The following PACSIN1 variants were observed in gnomAD, a reference collection of about 807,000 sequenced individuals.
PACSIN1 encodes protein kinase C and casein kinase substrate in neurons protein 1.
In PACSIN1, 15 loss-of-function variants were observed where a neutral mutation model predicts 59.5. The ratio of observed to expected loss-of-function variants is 0.25; its 90% CI spans 0.17 to 0.39. PACSIN1 has a LOEUF of 0.39. Ranked by LOEUF, PACSIN1 falls within the 10% of genes least tolerant of loss-of-function variation. The probability of loss-of-function intolerance (pLI) is 1.00; values close to 1 mark genes in which losing one functional copy is unlikely to be tolerated. For synonymous variants in PACSIN1, 210 were observed against 220.6 expected (o/e 0.95, Z 0.42); for missense variants, 420 against 580.2 (o/e 0.72, Z 2.84).
At chr6:34,513,357 G>T (rs1213488242) in intron 1 of PACSIN1, among the ~76,000 whole-genome samples, 1 of 152,122 alleles carries the variant, frequency 6.6e-6, no homozygotes, top group African/African-American at 2.4e-5. Context: ...CCTTTCTGTT[G>T]TATCTTCCCT....
At position 34,515,179 on chromosome 6, in the gene PACSIN1, G is replaced by A. The variant is rs745475015; in HGVS notation, c.-63-11064G>A. ...GCCAAACAGGCCAGCTGGAGGGGCCGGGCCAGGGACCAGGCTGGGGAGCGG... is the reference window on the plus strand; with the variant it reads ...GCCAAACAGGCCAGCTGGAGGGGCCAGGCCAGGGACCAGGCTGGGGAGCGG... On this transcript the variant is annotated intron_variant, in intron 1 of 9. Coordinates refer to ENST00000244458, the MANE Select transcript of PACSIN1 (RefSeq NM_020804.5). The surrounding 1 kb of genome is among the most constrained non-coding windows in gnomAD (Gnocchi z 4.4). 9.0e-4 allele frequency: 138 copies of A among 152,764 alleles called. 1 individual carries two copies. The highest frequency in any genetic ancestry group is 3.4e-3 in the Middle Eastern group (1 of 294). 9.5% of individuals were successfully genotyped at this position (152,764 alleles called of 1,614,324 possible).
rs542066619 is a variant in PACSIN1, at chr6:34,493,193, C to T, written c.-64+26923C>T. ...GGAGGGCAATTCTTGGAAAAGAACTCTCAGAATTGTCAGCAGTGAATATCC... is the reference window on the plus strand; with the variant it reads ...GGAGGGCAATTCTTGGAAAAGAACTTTCAGAATTGTCAGCAGTGAATATCC... On this transcript the variant is annotated intron_variant, in intron 1 of 9. Transcript: ENST00000244458. Among the ~76,000 whole-genome samples, 38 of 152,328 alleles carry T rather than the reference C, an allele frequency of 2.5e-4. 1 individual carries two copies. The highest frequency in any genetic ancestry group is 7.7e-4 in the African/African-American group (32 of 41,554).
chr6:34,524,710 GCTGA>G (rs1288296286), intron 1 of PACSIN1, among the ~76,000 whole-genome samples: 2 of 152,232 alleles, frequency 1.3e-5, no homozygotes, highest in African/African-American at 2.4e-5. Context: ...GCATCATCTG[GCTGA>G]CTGACTGGAA....
At chr6:34,527,192 G>C (rs1266436067) in intron 2 of PACSIN1, 140 bp from the exon 3 acceptor site, 116 of 844,896 alleles carry the variant, frequency 1.4e-4, no homozygotes, top group Admixed American at 3.8e-4. Context: ...GGGGCGGGGG[G>C]CGGGGGCGGG....
Position 34,479,120 on chromosome 6 carries a change from A to G in PACSIN1, c.-64+12850A>G, listed in dbSNP as rs139047684. On this transcript the variant is annotated intron_variant, in intron 1 of 9. Coordinates refer to ENST00000244458, the MANE Select transcript of PACSIN1 (RefSeq NM_020804.5). ...GTGCCCCATAATCCAAACACCTCTC[A>G]CTAGGCCCTACCTCCCAACACAGCC... 3.9e-5 allele frequency among the ~76,000 whole-genome samples: 6 copies of G among 152,330 alleles called. No homozygotes were observed. The East Asian group carries it at 1.2e-3, about 29-fold the overall frequency.
At chr6:34,502,806 T>G (rs1258053818) in intron 1 of PACSIN1, among the ~76,000 whole-genome samples, 2 of 152,106 alleles carry the variant, frequency 1.3e-5, no homozygotes, top group Non-Finnish European at 2.9e-5. Flanking sequence ...GCTGAGGGCA[T>G]GTGGAAGAGA....
chr6:34,480,228 T>TC (rs1554167851), intron 1 of PACSIN1, among the ~76,000 whole-genome samples: 1 of 30,408 alleles, frequency 3.3e-5, no homozygotes, highest in African/African-American at 1.3e-4. Context: ...TCTTTCTTTC[T>TC]TTTTTTTTTT....
intron 1 of PACSIN1, among the ~76,000 whole-genome samples, chr6:34,523,362 G>T (rs892139085): frequency 3.3e-5 from 5 of 152,246 alleles, no homozygotes; most frequent in Non-Finnish European, 1.5e-5. Flanking sequence ...GACAAGCTCT[G>T]TCCCTGTTAC....
In PACSIN1 at chr6:34,531,063, T is replaced by G. The variant is rs966432952; in HGVS notation, c.1037+476T>G. The stretch of plus-strand genomic sequence containing the variant: ...GCAGCCCCAGGGTTGGGGACCCCGG[T>G]CCAGATCACAGGAACCAAGCCTCCT... On this transcript the variant is annotated intron_variant, in intron 8 of 9. Coordinates refer to ENST00000244458, the MANE Select transcript of PACSIN1 (RefSeq NM_020804.5). This position sits in a 1 kb window ranked among gnomAD's most constrained non-coding sequence, Gnocchi z 4.4. Among the ~76,000 whole-genome samples the G allele has an allele frequency of 2.0e-5, 3 of 152,170 alleles. No individual in the cohort carries two copies. The highest frequency in any genetic ancestry group is 7.2e-5 in the African/African-American group (3 of 41,434).
chr6:34,530,638 G>A lies in PACSIN1; in HGVS notation c.1037+51G>A, dbSNP rs759540585. The A allele has an allele frequency of 8.1e-6, 12 of 1,481,708 alleles. No homozygotes were observed. Among genetic ancestry groups the A allele is most frequent in the Admixed American group, 2.5e-5 (1 of 39,718 alleles). The allele number at this position is 1,481,708 out of a possible 1,614,324, so 91.8% of individuals were successfully genotyped here. A position where few individuals can be genotyped will look rare whatever the true frequency, so the allele number is the denominator to read the frequency against. ...GGGGCCAAGAGGGACCCACACTCTG[G>A]GGCAGCTGAGTTTTGCTTCAGAAGA... On this transcript the variant is annotated intron_variant, in intron 8 of 9. Transcript: ENST00000244458. This position sits in a 1 kb window ranked among gnomAD's most constrained non-coding sequence, Gnocchi z 4.4.
At chr6:34,528,590 G>A (rs1767529721) in intron 3 of PACSIN1, 52 bp from the exon 4 acceptor site, 11 of 1,294,874 alleles carry the variant, frequency 8.5e-6, no homozygotes, top group East Asian at 4.6e-5. Flanking sequence ...TGTGAGGGGG[G>A]GCCTCTGGGC....
At chr6:34,491,253 T>C (rs553559602) in intron 1 of PACSIN1, among the ~76,000 whole-genome samples, 1 of 152,262 alleles carries the variant, frequency 6.6e-6, no homozygotes, top group Non-Finnish European at 1.5e-5. Context: ...AGCCTTGCGT[T>C]GTCTTTCTCT....
intron 1 of PACSIN1, among the ~76,000 whole-genome samples, chr6:34,500,509 G>T (rs1767008084): frequency 6.6e-6 from 1 of 152,182 alleles, no homozygotes; most frequent in Admixed American, 6.5e-5. Context: ...CGTCAACTTG[G>T]ATGTGCTGTC....
intron 1 of PACSIN1, among the ~76,000 whole-genome samples, chr6:34,473,480 T>A (rs1766599723): frequency 6.6e-6 from 1 of 152,098 alleles, no homozygotes; most frequent in Admixed American, 6.6e-5. Flanking sequence ...AGACCCTGCA[T>A]CCCTTAGCCC....
chr6:34,479,731 C>G (rs1766688904), intron 1 of PACSIN1, among the ~76,000 whole-genome samples: 1 of 152,166 alleles, frequency 6.6e-6, no homozygotes. Flanking sequence ...GCTGGGATTA[C>G]AGGCAGGAGC....
At chr6:34,492,632 T>C (rs1395694615) in intron 1 of PACSIN1, among the ~76,000 whole-genome samples, 1 of 152,220 alleles carries the variant, frequency 6.6e-6, no homozygotes, top group Non-Finnish European at 1.5e-5. Flanking sequence ...TCCACCCACC[T>C]CAGCCTCCCA....
chr6:34,479,024 C>T (rs909593275), intron 1 of PACSIN1, among the ~76,000 whole-genome samples: 1 of 152,070 alleles, frequency 6.6e-6, no homozygotes, highest in Admixed American at 6.5e-5. Flanking sequence ...TTTATAACAG[C>T]CTGCTCTCAT....
At chr6:34,472,416 G>A (rs1022765824) in intron 1 of PACSIN1, among the ~76,000 whole-genome samples, 6 of 151,830 alleles carry the variant, frequency 4.0e-5, no homozygotes, top group Non-Finnish European at 7.4e-5. Flanking sequence ...CTTGCCTCTG[G>A]GCTGAGGCCT....
At chr6:34,483,391 C>CA (rs1766748890) in intron 1 of PACSIN1, among the ~76,000 whole-genome samples, 1 of 152,150 alleles carries the variant, frequency 6.6e-6, no homozygotes, top group African/African-American at 2.4e-5. Flanking sequence ...GATGTAGGAC[C>CA]AACCTTGCCC....
Sources: gnomAD v4.1 joint callset for allele counts (sites outside exome capture counted in the v4.1 genomes callset) on GRCh38, gnomAD v4.1.1 for gene constraint, Gnocchi (gnomAD v3.1) non-coding constraint, MANE v1.5 for transcripts, NCBI Gene and HGNC (gene_info 2026-07-23, HGNC 2026-07-21) for gene names.